ANKRD17: variants seen among roughly 807,000 people sequenced by gnomAD.
ANKRD17 encodes the protein ankyrin repeat domain-containing protein 17.
Under a neutral mutation model 229.7 loss-of-function variants are expected in ANKRD17, and 19 were observed. The ratio of observed to expected loss-of-function variants is 0.08; its 90% CI spans 0.06 to 0.12. The LOEUF is 0.12. Among genes scored for constraint, ANKRD17 ranks in the 10% least tolerant of loss-of-function variants. The pLI, the probability that ANKRD17 is intolerant of heterozygous loss-of-function variation, is 1.00. For missense variants in ANKRD17, 2,176 were observed against 3,176.8 expected (o/e 0.68, Z 7.57); for synonymous variants, 1,112 against 1,146.1 (o/e 0.97, Z 0.60).
intron 1 of ANKRD17, among the ~76,000 whole-genome samples, chr4:73,179,458 ATGTATATATG>A (rs1218406932): frequency 7.8e-6 from 1 of 127,476 alleles, no homozygotes; most frequent in Non-Finnish European, 1.6e-5. Context: ...CTGTGTATAT[ATGTATATATG>A]TGTGTGTGTG....
At chr4:73,245,843 C>T (rs922268372) in intron 1 of ANKRD17, among the ~76,000 whole-genome samples, 5 of 152,076 alleles carry the variant, frequency 3.3e-5, no homozygotes, top group African/African-American at 1.2e-4. Context: ...AGATATTTTG[C>T]TATAGTTATT....
chr4:73,232,014 T>A (rs1050444492), intron 1 of ANKRD17, among the ~76,000 whole-genome samples: 8 of 152,242 alleles, frequency 5.3e-5, no homozygotes, highest in Admixed American at 4.6e-4. Flanking sequence ...GTATCCTTTG[T>A]AATATCTTTT....
intron 2 of ANKRD17, among the ~76,000 whole-genome samples, chr4:73,174,596 G>C (rs1419223356): frequency 6.6e-6 from 1 of 152,060 alleles, no homozygotes; most frequent in East Asian, 1.9e-4. Flanking sequence ...AATCAGACAA[G>C]AGAAACAGAC....
intron 30 of ANKRD17, among the ~76,000 whole-genome samples, chr4:73,082,077 A>T (rs999869568): frequency 3.3e-5 from 5 of 150,652 alleles, no homozygotes; most frequent in African/African-American, 1.2e-4. Flanking sequence ...TTGAGCCCAG[A>T]AGGTGGAGGT....
chr4:73,207,667 A>G (rs1288966309), intron 1 of ANKRD17, among the ~76,000 whole-genome samples: 1 of 152,234 alleles, frequency 6.6e-6, no homozygotes, highest in East Asian at 1.9e-4. Context: ...ACAAATATTA[A>G]CAAAGCCAAA....
At chr4:73,149,193 T>C in intron 7 of ANKRD17, 143 bp from the exon 8 acceptor site, 1 of 667,434 alleles carries the variant, frequency 1.5e-6, no homozygotes, top group East Asian at 2.7e-5. Context: ...GTTGAGTAAA[T>C]CAGTATTTAT....
At chr4:73,108,691 GA>G (rs1225991042) in intron 24 of ANKRD17, among the ~76,000 whole-genome samples, 1 of 152,188 alleles carries the variant, frequency 6.6e-6, no homozygotes, top group Non-Finnish European at 1.5e-5. Context: ...TGAGTTGTGG[GA>G]GTTGAGAGCC....
Position 73,154,004 on chromosome 4 carries a change from A to G in ANKRD17, c.1110T>C (p.Pro370=). The G allele has an allele frequency of 2.5e-6, 4 of 1,613,808 alleles. No individual in the cohort carries two copies. The highest frequency in any genetic ancestry group is 3.4e-6 in the Non-Finnish European group (4 of 1,179,902). Residue 370 remains proline (P), a synonymous_variant, in exon 6 of 34, where the codon CCT becomes CCC. Coordinates refer to ENST00000358602, the MANE Select transcript of ANKRD17 (RefSeq NM_032217.5). ...GTCCAGCACTTCCAGCTTCCATAAG[A>G]GGGGTATGACCATTTTCATTATGGT... The part of the protein sequence containing the change: ...IEDHNENGHT[P]LMEAGSAGHV...
intron 22 of ANKRD17, among the ~76,000 whole-genome samples, chr4:73,118,026 T>A (rs1311155692): frequency 6.6e-6 from 1 of 151,718 alleles, no homozygotes; most frequent in African/African-American, 2.4e-5. Flanking sequence ...TGAAAACAAA[T>A]TTTTTTTGAG....
At position 73,156,037 on chromosome 4, in the gene ANKRD17, T is replaced by C. The variant is rs761890499; in HGVS notation, c.834A>G (p.Gly278=). 1 of 1,599,890 alleles carries C rather than the reference T, an allele frequency of 6.3e-7. No individual in the cohort carries two copies. The highest frequency in any genetic ancestry group is 1.4e-5 in the African/African-American group (1 of 73,878). The change falls in exon 4 of 34, where the codon GGA becomes GGG. Residue 278 remains glycine, a synonymous_variant. Coordinates refer to ENST00000358602, the MANE Select transcript of ANKRD17 (RefSeq NM_032217.5). Reference sequence around the variant, plus strand: ...TACGAACCTGTGCAAGCTCATAGTATCCAGCAGAACAAGCTAAACAAAGGA... The same window carrying C: ...TACGAACCTGTGCAAGCTCATAGTACCCAGCAGAACAAGCTAAACAAAGGA... ...ESLLCLACSA[G]YYELAQVLLA...
chr4:73,182,425 C>G (rs946493219), intron 1 of ANKRD17, among the ~76,000 whole-genome samples: 2 of 152,114 alleles, frequency 1.3e-5, no homozygotes, highest in Admixed American at 6.5e-5. Context: ...TTTCTAAATA[C>G]CTAGCACCAA....
Position 73,090,902 on chromosome 4 carries a change from A to G in ANKRD17, c.6726T>C (p.Ala2242=). 6.2e-7 allele frequency: 1 copy of G among 1,614,228 alleles called. No individual in the cohort carries two copies. The highest frequency in any genetic ancestry group is 8.5e-7 in the Non-Finnish European group (1 of 1,180,050). The change falls in exon 29 of 34, where the codon GCT becomes GCC. Residue 2242 remains alanine, a synonymous_variant. Coordinates refer to ENST00000358602, the MANE Select transcript of ANKRD17 (RefSeq NM_032217.5). ...NSVHPANKPI[A]PNFSAPLPFG... ...ATGGTAAGGGGGCACTGAAATTGGG[A>G]GCAATAGGCTTATTTGCTGGATGTA...
Position 73,139,787 on chromosome 4 carries a change from C to T in ANKRD17, c.2829G>A (p.Gln943=), listed in dbSNP as rs369705980. Residue 943 remains glutamine, a synonymous_variant, in exon 15 of 34, where the codon CAG becomes CAA. Coordinates refer to ENST00000358602, the MANE Select transcript of ANKRD17 (RefSeq NM_032217.5). ...DPVLLKDEPQ[Q]TAAQMGFAPI... is the part of the protein sequence containing the mutation. Reference sequence around the variant, plus strand: ...GCGCAAAACCCATCTGAGCAGCAGTCTGCTGGGGTTCATCTTTAAGTAAAA... The same window carrying T: ...GCGCAAAACCCATCTGAGCAGCAGTTTGCTGGGGTTCATCTTTAAGTAAAA... The T allele has an allele frequency of 2.5e-6, 4 of 1,614,226 alleles. No homozygotes were observed. The highest frequency in any genetic ancestry group is 2.5e-6 in the Non-Finnish European group (3 of 1,180,042).
rs1348451623 is a variant in ANKRD17, at chr4:73,139,590, C to A, written c.3026G>T (p.Gly1009Val). The change falls in exon 15 of 34, where the codon GGG becomes GTG. Residue 1009 changes from glycine (G) to valine (V), a missense_variant. Around this residue, in one of 18 missense-constraint regions of ANKRD17, gnomAD observed 230 missense variants for 252.3 expected, o/e 0.91. Coordinates refer to ENST00000358602, the MANE Select transcript of ANKRD17 (RefSeq NM_032217.5). ...CTGAGCAGGGCTGGCTACCATTAAC[C>A]CTTGTTGTGTTTCTGTCAGAATTCC... ...GQGILTETQQ[G>V]LMVASPAQTL... 6.2e-7 allele frequency: 1 copy of A among 1,614,156 alleles called. No individual in the cohort carries two copies. The highest frequency in any genetic ancestry group is 1.1e-5 in the South Asian group (1 of 91,084).
At chr4:73,095,600 C>A (rs1466038917) in intron 27 of ANKRD17, among the ~76,000 whole-genome samples, 3 of 134,160 alleles carry the variant, frequency 2.2e-5, no homozygotes, top group Admixed American at 7.6e-5. Flanking sequence ...AAAACTCCAT[C>A]TCAAAAAAAA....
At chr4:73,199,384 A>G (rs1738350811) in intron 1 of ANKRD17, among the ~76,000 whole-genome samples, 1 of 152,124 alleles carries the variant, frequency 6.6e-6, no homozygotes, top group South Asian at 2.1e-4. Context: ...TCCCAGCAAG[A>G]ATTTAGCTGA....
intron 1 of ANKRD17, among the ~76,000 whole-genome samples, chr4:73,203,533 G>A (rs1738961491): frequency 6.6e-6 from 1 of 151,282 alleles, no homozygotes; most frequent in African/African-American, 2.4e-5. Context: ...CCAGGCGGGC[G>A]GATCACGAGG....
intron 25 of ANKRD17, 98 bp from the exon 26 acceptor site, chr4:73,098,618 T>C (rs1723579267): frequency 1.8e-6 from 2 of 1,101,728 alleles, no homozygotes; most frequent in Non-Finnish European, 2.6e-6. Flanking sequence ...GGAGAGATAC[T>C]CTACTACTAT....
intron 27 of ANKRD17, among the ~76,000 whole-genome samples, chr4:73,096,849 T>C: frequency 6.6e-6 from 1 of 152,232 alleles, no homozygotes; most frequent in Non-Finnish European, 1.5e-5. Context: ...CTTCTTTGTA[T>C]TATATAAGGC....
Sources: allele counts gnomAD v4.1 joint callset (sites outside exome capture counted in the v4.1 genomes callset), GRCh38; gene constraint gnomAD v4.1.1; regional missense constraint gnomAD v4.1.1; transcripts MANE v1.5; gene names NCBI Gene and HGNC (gene_info 2026-07-23, HGNC 2026-07-21).